Variants in INPP4B observed in about 807,000 individuals in gnomAD.
INPP4B encodes the protein inositol polyphosphate-4-phosphatase type II B.
Under a neutral mutation model 122.5 loss-of-function variants are expected in INPP4B, and 55 were observed. The observed-to-expected ratio is 0.45, with a 90% CI of 0.36 to 0.56. The LOEUF (loss-of-function observed/expected upper bound fraction) is 0.56. INPP4B is among the 20% of genes least tolerant of loss of function. INPP4B has a pLI of 0.00. For missense variants in INPP4B, 1,000 were observed against 1,097.7 expected (o/e 0.91, Z 1.26); for synonymous variants, 403 against 388.7 (o/e 1.04, Z -0.43).
intron 9 of INPP4B, among the ~76,000 whole-genome samples, chr4:142,304,484 A>G (rs1396090803): frequency 6.6e-6 from 1 of 152,062 alleles, no homozygotes; most frequent in Non-Finnish European, 1.5e-5. Flanking sequence ...TTATCAAAAC[A>G]AAATGAGGAG....
At chr4:142,215,892 C>CAAAAAAAAAAAAAAAAAAAAAAAAA (rs200657873) in intron 12 of INPP4B, among the ~76,000 whole-genome samples, 4 of 54,576 alleles carry the variant, frequency 7.3e-5, no homozygotes, top group African/African-American at 1.5e-4. Context: ...GACTCTGTCT[C>CAAAAAAAAAAAAAAAAAAAAAAAAA]AAAAAAAAAA....
At chr4:142,728,281 AAG>A (rs1167290441) in intron 1 of INPP4B, among the ~76,000 whole-genome samples, 1 of 152,196 alleles carries the variant, frequency 6.6e-6, no homozygotes. Context: ...TATATTTTGA[AAG>A]AGTACAGCAT....
At chr4:142,071,426 G>A (rs1767237327) in intron 25 of INPP4B, among the ~76,000 whole-genome samples, 1 of 152,128 alleles carries the variant, frequency 6.6e-6, no homozygotes, top group African/African-American at 2.4e-5. Context: ...ATAGGCATGG[G>A]CAAGGACTTC....
At chr4:142,244,828 AACTT>A (rs1727077213) in intron 11 of INPP4B, among the ~76,000 whole-genome samples, 1 of 152,200 alleles carries the variant, frequency 6.6e-6, no homozygotes, top group Non-Finnish European at 1.5e-5. Context: ...TGGTTGAACT[AACTT>A]ACACTCCTAC....
chr4:142,523,044 C>T (rs150493534), intron 2 of INPP4B, among the ~76,000 whole-genome samples: 2 of 152,050 alleles, frequency 1.3e-5, no homozygotes, highest in African/African-American at 4.8e-5. Context: ...CATCGCTTGA[C>T]TAGAAAGATG....
chr4:142,668,919 G>T (rs1307719521), intron 2 of INPP4B, among the ~76,000 whole-genome samples: 1 of 151,954 alleles, frequency 6.6e-6, no homozygotes, highest in Non-Finnish European at 1.5e-5. Context: ...GCCGGGCGTG[G>T]TGGTGGGCAC....
chr4:142,605,460 A>T (rs1741032905), intron 2 of INPP4B, among the ~76,000 whole-genome samples: 1 of 152,074 alleles, frequency 6.6e-6, no homozygotes, highest in Non-Finnish European at 1.5e-5. Flanking sequence ...TCTACACAGC[A>T]AAAGAAACAA....
At chr4:142,432,671 A>C (rs1376436803) in intron 3 of INPP4B, among the ~76,000 whole-genome samples, 2 of 152,140 alleles carry the variant, frequency 1.3e-5, no homozygotes, top group Middle Eastern at 3.2e-3. Flanking sequence ...CCAAAGACCT[A>C]TGACAAATGC....
chr4:142,181,853 C>A, intron 15 of INPP4B, among the ~76,000 whole-genome samples: 1 of 152,114 alleles, frequency 6.6e-6, no homozygotes, highest in East Asian at 1.9e-4. Flanking sequence ...CGATTTTAGG[C>A]AGATTAATAT....
At chr4:142,039,740 T>C (rs932311141) in intron 25 of INPP4B, among the ~76,000 whole-genome samples, 1 of 152,090 alleles carries the variant, frequency 6.6e-6, no homozygotes, top group Non-Finnish European at 1.5e-5. Context: ...CAGAGAAATA[T>C]CACAAATGAT....
chr4:142,369,847 C>T (rs903572621), intron 7 of INPP4B, among the ~76,000 whole-genome samples: 11 of 149,840 alleles, frequency 7.3e-5, no homozygotes, highest in Non-Finnish European at 1.6e-4. Context: ...AGAAGAATTG[C>T]TTGAACCCAG....
chr4:142,511,897 T>A (rs1403724036), intron 2 of INPP4B, among the ~76,000 whole-genome samples: 2 of 152,206 alleles, frequency 1.3e-5, no homozygotes, highest in African/African-American at 2.4e-5. Context: ...TAAAGTTACT[T>A]CTAAAATTGA....
At chr4:142,307,478 G>A (rs968408094) in intron 8 of INPP4B, among the ~76,000 whole-genome samples, 1 of 152,106 alleles carries the variant, frequency 6.6e-6, no homozygotes, top group African/African-American at 2.4e-5. Context: ...GTAGGTATCT[G>A]GTACATATTT....
intron 23 of INPP4B, among the ~76,000 whole-genome samples, chr4:142,098,276 A>T (rs140536161): frequency 1.2e-3 from 177 of 152,184 alleles, no homozygotes; most frequent in Middle Eastern, 3.4e-3. Context: ...TCAAAGGATC[A>T]AAGGGGTTGA....
At chr4:142,577,477 T>A (rs1408537373) in intron 2 of INPP4B, among the ~76,000 whole-genome samples, 1 of 152,036 alleles carries the variant, frequency 6.6e-6, no homozygotes, top group Non-Finnish European at 1.5e-5. Context: ...TAGAAGAGTT[T>A]TTCTGTCTAT....
At chr4:142,682,430 A>G (rs1758759586) in intron 2 of INPP4B, among the ~76,000 whole-genome samples, 1 of 151,820 alleles carries the variant, frequency 6.6e-6, no homozygotes, top group South Asian at 2.1e-4. Context: ...AATCAAAAAA[A>G]CTCTGAAAAA....
chr4:142,165,982 C>A (rs961654565), intron 16 of INPP4B, among the ~76,000 whole-genome samples: 1 of 151,638 alleles, frequency 6.6e-6, no homozygotes, highest in African/African-American at 2.4e-5. Flanking sequence ...TGATGCTGGG[C>A]AACTTTGCAT....
At chr4:142,284,631 T>A (rs1752693863) in intron 9 of INPP4B, among the ~76,000 whole-genome samples, 1 of 151,912 alleles carries the variant, frequency 6.6e-6, no homozygotes, top group South Asian at 2.1e-4. Flanking sequence ...GAGAGATATT[T>A]TAGAGCTTTT....
intron 25 of INPP4B, among the ~76,000 whole-genome samples, chr4:142,045,679 T>C (rs1043169680): frequency 1.3e-5 from 2 of 152,134 alleles, no homozygotes; most frequent in African/African-American, 4.8e-5. Flanking sequence ...CATGGAATAT[T>C]TCCCAAAATG....
Sources: allele counts gnomAD v4.1 joint callset (sites outside exome capture counted in the v4.1 genomes callset), GRCh38; gene constraint gnomAD v4.1.1; transcripts MANE v1.5; gene names NCBI Gene and HGNC (gene_info 2026-07-23, HGNC 2026-07-21).